Variants in NFATC3 observed in about 807,000 individuals in gnomAD.
NFATC3 encodes the protein nuclear factor of activated T-cells, cytoplasmic 3.
A neutral mutation model predicts 98.6 loss-of-function variants in NFATC3; 46 were observed. That is an observed-to-expected ratio of 0.47 (90% confidence interval 0.37 to 0.60). NFATC3 has a LOEUF of 0.60. NFATC3 is among the 20% of genes least tolerant of loss of function. The probability of loss-of-function intolerance (pLI) is 0.00; values close to 1 mark genes in which losing one functional copy is unlikely to be tolerated. For synonymous variants in NFATC3, 512 were observed against 472.2 expected, an observed-to-expected ratio of 1.08 and a Z score of -1.09; for missense variants, 1,256 against 1,295.5, an observed-to-expected ratio of 0.97 and a Z score of 0.47.
chr16:68,165,885 TC>T (rs540426019), intron 4 of NFATC3, among the ~76,000 whole-genome samples: 104 of 152,328 alleles, frequency 6.8e-4, no homozygotes, highest in Non-Finnish European at 1.2e-3. Flanking sequence ...GCTTTATTCT[TC>T]CAATATGTGA....
chr16:68,198,385 T>A (rs146038735), intron 9 of NFATC3, among the ~76,000 whole-genome samples: 44 of 152,276 alleles, frequency 2.9e-4, no homozygotes, highest in African/African-American at 1.1e-3. Context: ...ATAAAACATC[T>A]GAATTTTACA....
In NFATC3 at chr16:68,191,511, C is replaced by CTGA; in HGVS notation, c.2842_2843insTGA (p.Gln948delinsLeuLys). On this transcript the variant is annotated protein_altering_variant, in exon 9 of 10. Coordinates refer to ENST00000346183, the MANE Select transcript of NFATC3 (RefSeq NM_173165.3). ...TTCTGGGCCACCATCTCCTCAGCTT[C>CTGA]AGCCTATGCCTTACCAATCTCCTAG... 6.2e-7 allele frequency: 1 copy of CTGA among 1,614,190 alleles called. No individual in the cohort carries two copies. The highest frequency in any genetic ancestry group is 8.5e-7 in the Non-Finnish European group (1 of 1,180,034).
intron 1 of NFATC3, among the ~76,000 whole-genome samples, chr16:68,098,576 A>G (rs966766505): frequency 1.2e-4 from 19 of 152,162 alleles, no homozygotes; most frequent in Admixed American, 1.0e-3. Flanking sequence ...TTGGGATTAC[A>G]GGTGTGAACC....
intron 3 of NFATC3, among the ~76,000 whole-genome samples, chr16:68,149,849 C>T (rs1239273559): frequency 1.3e-5 from 2 of 152,054 alleles, no homozygotes; most frequent in African/African-American, 4.8e-5. Flanking sequence ...TATAAACAGC[C>T]ACAAAGGGGA....
At chr16:68,219,772 G>A (rs1016645015) in intron 9 of NFATC3, among the ~76,000 whole-genome samples, 1 of 152,134 alleles carries the variant, frequency 6.6e-6, no homozygotes, top group Admixed American at 6.6e-5. Context: ...AATTAGAAAG[G>A]CCCGTTGGGA....
chr16:68,190,775 G>A lies in NFATC3; in HGVS notation c.2106G>A (p.Met702Ile). The A allele has an allele frequency of 6.3e-7, 1 of 1,589,442 alleles. No homozygotes were observed. The highest frequency in any genetic ancestry group is 8.6e-7 in the Non-Finnish European group (1 of 1,167,806). Residue 702 changes from methionine (M) to isoleucine (I), a missense_variant, in exon 9 of 10, where the codon ATG becomes ATA. Met to Ile is a conservative substitution (Grantham distance 10). Around this residue, in one of 3 missense-constraint regions of NFATC3, gnomAD observed 636 missense variants for 617.3 expected, o/e 1.03. Coordinates refer to ENST00000346183, the MANE Select transcript of NFATC3 (RefSeq NM_173165.3). ...SQRFTYTPVL[M>I]KQEHREEIDL... is the part of the protein sequence containing the mutation. Reference sequence around the variant, plus strand: ...TAATCATTTTCTTTTCAGTTTTGATGAAGCAAGAACACAGAGAAGAGATTG... The same window carrying A: ...TAATCATTTTCTTTTCAGTTTTGATAAAGCAAGAACACAGAGAAGAGATTG...
chr16:68,085,969 G>A (rs2034347826), intron 1 of NFATC3, 185 bp downstream of exon 1: 2 of 460,154 alleles, frequency 4.3e-6, no homozygotes, highest in East Asian at 3.7e-5. Context: ...TCGCTGCGAC[G>A]TGGAAGTGGT....
In NFATC3 at chr16:68,191,300, T is replaced by A; in HGVS notation, c.2631T>A (p.Pro877=). The change falls in exon 9 of 10, where the codon CCT becomes CCA. Residue 877 remains proline (P), a synonymous_variant. Coordinates refer to ENST00000346183, the MANE Select transcript of NFATC3 (RefSeq NM_173165.3). ...AHTPHSVHTL[P]HLQSMGYHCS... ...CACCTCATTCTGTGCATACCCTGCC[T>A]CATCTGCAATCAATGGGATATCATT... 1 of 1,614,220 alleles carries A rather than the reference T, an allele frequency of 6.2e-7. No homozygotes were observed. The highest frequency in any genetic ancestry group is 1.7e-5 in the Admixed American group (1 of 60,026).
At chr16:68,212,785 C>CTTTTTTTTTTTTTTT in intron 9 of NFATC3, 1 of 106,934 alleles carries the variant, frequency 9.4e-6, no homozygotes, top group Admixed American at 1.0e-4. Flanking sequence ...ATTTCTTTCT[C>CTTTTTTTTTTTTTTT]TTTTTTTTTT....
intron 9 of NFATC3, chr16:68,217,775 A>G (rs1453932283): frequency 1.6e-6 from 2 of 1,231,556 alleles, no homozygotes; most frequent in Admixed American, 8.4e-5. Flanking sequence ...GGGATGGGAA[A>G]AAGGGAGGAA....
chr16:68,158,468 G>A (rs2038724532), intron 4 of NFATC3, among the ~76,000 whole-genome samples: 1 of 152,256 alleles, frequency 6.6e-6, no homozygotes, highest in East Asian at 1.9e-4. Flanking sequence ...AATAAGATGA[G>A]GTGGCCAACT....
At chr16:68,165,385 T>C (rs1417610453) in intron 4 of NFATC3, among the ~76,000 whole-genome samples, 3 of 150,524 alleles carry the variant, frequency 2.0e-5, no homozygotes, top group Non-Finnish European at 4.4e-5. Context: ...TTTTTTTTTT[T>C]CTTTTTCTTT....
intron 1 of NFATC3, among the ~76,000 whole-genome samples, chr16:68,117,275 C>CT (rs1482370723): frequency 2.0e-5 from 3 of 152,312 alleles, no homozygotes; most frequent in Non-Finnish European, 4.4e-5. Context: ...ATTCAACAGG[C>CT]TGATAGCATT....
chr16:68,111,670 G>T (rs2035953728), intron 1 of NFATC3, among the ~76,000 whole-genome samples: 1 of 152,080 alleles, frequency 6.6e-6, no homozygotes, highest in Non-Finnish European at 1.5e-5. Context: ...TCATCATAAT[G>T]CTGGCTGGTT....
At position 68,167,011 on chromosome 16, in the gene NFATC3, G is replaced by A. The variant is rs1043932094; in HGVS notation, c.1770G>A (p.Glu590=). ...LSLQIASIPV[E]CSQRSAQELP... ...TGCAGATAGCCTCTATACCCGTTGA[G>A]TGCTGTAAGTGAGCTTGTGATGATG... The change falls in exon 5 of 10, where the codon GAG becomes GAA. Residue 590 remains glutamate (E), a synonymous_variant. Transcript: ENST00000346183. 2 of 1,607,920 alleles carry A rather than the reference G, an allele frequency of 1.2e-6. No homozygotes were observed. Among genetic ancestry groups the A allele is most frequent in the Non-Finnish European group, 1.7e-6 (2 of 1,177,894 alleles).
chr16:68,184,834 CAAA>C (rs1334267212), intron 8 of NFATC3, among the ~76,000 whole-genome samples: 6 of 113,710 alleles, frequency 5.3e-5, no homozygotes, highest in Non-Finnish European at 5.9e-5. Context: ...AACAAACAAA[CAAA>C]AAACACACAA....
intron 6 of NFATC3, among the ~76,000 whole-genome samples, chr16:68,177,602 T>G (rs958337109): frequency 6.6e-6 from 1 of 152,108 alleles, no homozygotes; most frequent in East Asian, 1.9e-4. Flanking sequence ...TTTTTTATTA[T>G]GTTTTTTCTT....
chr16:68,107,790 G>A (rs978392321), intron 1 of NFATC3, among the ~76,000 whole-genome samples: 1 of 151,672 alleles, frequency 6.6e-6, no homozygotes, highest in African/African-American at 2.4e-5. Flanking sequence ...ATCTCATTGT[G>A]GTTTTGATTT....
In NFATC3 at chr16:68,184,004, C is replaced by CAAAAA. The variant is rs34341175; in HGVS notation, c.2098+655_2098+659dup. Among the ~76,000 whole-genome samples, 334 of 59,192 alleles carry CAAAAA rather than the reference C, an allele frequency of 5.6e-3. 1 individual carries two copies. The highest frequency in any genetic ancestry group is 8.1e-3 in the East Asian group (15 of 1,860). 38.8% of individuals were successfully genotyped at this position (59,192 alleles called of 152,430 possible). A position where few individuals can be genotyped will look rare whatever the true frequency, so the allele number is the denominator to read the frequency against. On this transcript the variant is annotated intron_variant, in intron 8 of 9. Coordinates refer to ENST00000346183, the MANE Select transcript of NFATC3 (RefSeq NM_173165.3). Reference sequence around the variant, plus strand: ...CTGGGAAACGAGCGAAACTCCGTCACAAAAAAAAAAAAAAAAAAAAAGAAA... The same window carrying CAAAAA: ...CTGGGAAACGAGCGAAACTCCGTCACAAAAAAAAAAAAAAAAAAAAAAAAAAGAAA...
Sources: allele counts gnomAD v4.1 joint callset (sites outside exome capture counted in the v4.1 genomes callset), GRCh38; gene constraint gnomAD v4.1.1; regional missense constraint gnomAD v4.1.1; transcripts MANE v1.5; gene names NCBI Gene and HGNC (gene_info 2026-07-23, HGNC 2026-07-21).